The following UBN2 variants were observed in gnomAD, a reference collection of about 807,000 sequenced individuals.
UBN2 encodes ubinuclein-2.
UBN2 carries 35 observed loss-of-function variants against 120.2 expected under a neutral mutation model. The ratio of observed to expected loss-of-function variants is 0.29; its 90% CI spans 0.22 to 0.39. UBN2 has a LOEUF of 0.39. Among genes scored for constraint, UBN2 ranks in the 10% least tolerant of loss-of-function variants. The pLI is 1.00. For missense variants in UBN2, 1,693 were observed against 1,663.2 expected, an observed-to-expected ratio of 1.02 and a Z score of -0.31; for synonymous variants, 661 against 648.7, an observed-to-expected ratio of 1.02 and a Z score of -0.29.
At chr7:139,245,229 C>A (rs1290358961) in intron 2 of UBN2, among the ~76,000 whole-genome samples, 3 of 151,716 alleles carry the variant, frequency 2.0e-5, no homozygotes, top group Non-Finnish European at 4.4e-5. Context: ...CATGAGCCAC[C>A]TCGCCCAGCC....
rs1253669426 is a variant in UBN2 at position 139,283,966 on chromosome 7, C to A, written c.3061C>A (p.Gln1021Lys). The A allele has an allele frequency of 1.2e-6, 2 of 1,613,762 alleles. No individual in the cohort carries two copies. The highest frequency in any genetic ancestry group is 1.7e-6 in the Non-Finnish European group (2 of 1,179,922). ...SNYLAKAMVS[Q>K]ISTQGFKSPF... ...CTATTTAGCCAAGGCTATGGTGTCA[C>A]AGATCTCCACGCAGGGTTTCAAATC... The change falls in exon 15 of 18, where the codon CAG (glutamine) becomes AAG (lysine). Residue 1021 changes from glutamine (Q) to lysine (K), a missense_variant. Gln to Lys is a moderately conservative substitution (Grantham distance 53). Coordinates refer to ENST00000473989, the MANE Select transcript of UBN2 (RefSeq NM_173569.4).
At position 139,261,448 on chromosome 7, in the gene UBN2, G is replaced by A. The variant is rs755479661; in HGVS notation, c.1102G>A (p.Asp368Asn). The change falls in exon 6 of 18, where the codon GAC becomes AAC. Residue 368 changes from aspartate to asparagine, a missense_variant. Transcript: ENST00000473989. ...ATGTGCTGCTGCAGCACTGGGGAAT[G>A]ACGTCCCGGACTTAAATCTGAGCAG... ...PPCAAAALGN[D>N]VPDLNLSSGD... is the part of the protein sequence containing the mutation. 1.9e-6 allele frequency: 3 copies of A among 1,614,226 alleles called. No individual in the cohort carries two copies. In the South Asian group the frequency reaches 3.3e-5, roughly 18 times the overall value.
At chr7:139,234,939 A>G (rs1057353047) in intron 1 of UBN2, among the ~76,000 whole-genome samples, 2 of 152,186 alleles carry the variant, frequency 1.3e-5, no homozygotes, top group African/African-American at 2.4e-5. Context: ...TGGGTAGTTG[A>G]TAATTTTCAG....
chr7:139,306,028 G>A lies in UBN2; in HGVS notation c.*8192G>A, dbSNP rs1031027874. The A allele has an allele frequency of 6.6e-6, 1 of 152,110 alleles. No individual in the cohort carries two copies. The highest frequency in any genetic ancestry group is 1.5e-5 in the Non-Finnish European group (1 of 68,034). The allele number at this position is 152,110 out of a possible 1,614,324, so 9.4% of individuals were successfully genotyped here. On this transcript the variant is annotated 3_prime_UTR_variant, in exon 18 of 18. Transcript: ENST00000473989. ...CCCACTTTGCTAATAATAATATAAT[G>A]ATTTTATTGTAAATCTGTGTTTTAA...
chr7:139,323,486 C>T, the UBN2 span, among the ~76,000 whole-genome samples: 1 of 151,794 alleles, frequency 6.6e-6, no homozygotes, highest in Non-Finnish European at 1.5e-5. Context: ...TGCTGCTCTC[C>T]GTATTACAGG....
Position 139,300,865 on chromosome 7 carries a change from T to C in UBN2, c.*3029T>C, listed in dbSNP as rs1046377584. The C allele has an allele frequency of 6.6e-6, 1 of 152,216 alleles. No individual in the cohort carries two copies. Among genetic ancestry groups the C allele is most frequent in the Admixed American group, 6.5e-5 (1 of 15,274 alleles). 9.4% of individuals were successfully genotyped at this position (152,216 alleles called of 1,614,324 possible). On this transcript the variant is annotated 3_prime_UTR_variant, in exon 18 of 18. Transcript: ENST00000473989. ...TCAGTTGGAGACTGGGAGCAAAGTG[T>C]CAAGCTCATTCAGAGCATCCAGAAT...
intron 15 of UBN2, among the ~76,000 whole-genome samples, chr7:139,285,846 GA>G: frequency 6.6e-6 from 1 of 152,104 alleles, no homozygotes; most frequent in East Asian, 1.9e-4. Context: ...GGGTTCAGGA[GA>G]TTCTCCTGCC....
chr7:139,321,703 C>T, the UBN2 span, among the ~76,000 whole-genome samples: 6 of 152,066 alleles, frequency 3.9e-5, no homozygotes, highest in Non-Finnish European at 7.4e-5. Context: ...CTCCAGAACG[C>T]ACGAGAAAAC....
chr7:139,329,162 A>C, the UBN2 span, among the ~76,000 whole-genome samples: 1 of 151,006 alleles, frequency 6.6e-6, no homozygotes, highest in Admixed American at 6.6e-5. Context: ...AGAGGTCAGT[A>C]TGGCCAGTTG....
At position 139,303,162 on chromosome 7, in the gene UBN2, C is replaced by T. The variant is rs940140812; in HGVS notation, c.*5326C>T. 6.6e-6 allele frequency: 1 copy of T among 152,166 alleles called. No homozygotes were observed. The highest frequency in any genetic ancestry group is 1.9e-4 in the East Asian group (1 of 5,200). The allele number at this position is 152,166 out of a possible 1,614,324, so 9.4% of individuals were successfully genotyped here. On this transcript the variant is annotated 3_prime_UTR_variant, in exon 18 of 18. Transcript: ENST00000473989. ...TCAGATGCTGAGGAAAACATATAAT[C>T]TATAGCATTCTTGAGAGATTTTCCA...
At chr7:139,234,126 G>A (rs184268202) in intron 1 of UBN2, among the ~76,000 whole-genome samples, 10 of 152,192 alleles carry the variant, frequency 6.6e-5, no homozygotes, top group African/African-American at 2.4e-4. Flanking sequence ...TCCTAGAAGA[G>A]AGACCATCAA....
Position 139,293,362 on chromosome 7 carries a change from T to A in UBN2, c.3800T>A (p.Phe1267Tyr). 1 of 1,614,158 alleles carries A rather than the reference T, an allele frequency of 6.2e-7. No individual in the cohort carries two copies. Among genetic ancestry groups the A allele is most frequent in the Non-Finnish European group, 8.5e-7 (1 of 1,180,014 alleles). ...LGGLVPVTMP[F>Y]QFPLEIFGFG... ...GGCCTTGTTCCAGTGACCATGCCCT[T>A]CCAGTTTCCCTTGGAGATATTTGGC... is the stretch of plus-strand genomic sequence containing the variant. The change falls in exon 16 of 18, where the codon TTC becomes TAC. Residue 1267 changes from phenylalanine (F) to tyrosine (Y), a missense_variant. Phe to Tyr is a conservative substitution (Grantham distance 22). Transcript: ENST00000473989.
At chr7:139,243,376 C>T (rs1796374615) in intron 2 of UBN2, among the ~76,000 whole-genome samples, 1 of 152,070 alleles carries the variant, frequency 6.6e-6, no homozygotes, top group African/African-American at 2.4e-5. Context: ...ATATCAACTG[C>T]AGAGGTTCAG....
intron 7 of UBN2, 106 bp from the exon 8 acceptor site, chr7:139,269,288 C>T: frequency 8.8e-7 from 1 of 1,140,252 alleles, no homozygotes; most frequent in South Asian, 1.8e-5. Flanking sequence ...TTTAGGAAAT[C>T]ATGAAAAGAT....
intron 1 of UBN2, 90 bp from the exon 2 acceptor site, chr7:139,236,915 G>T: frequency 1.4e-6 from 1 of 694,570 alleles, no homozygotes; most frequent in Non-Finnish European, 2.4e-6. Flanking sequence ...AATTGAAGTG[G>T]TTGTTACATA....
chr7:139,320,643 C>T, the UBN2 span, among the ~76,000 whole-genome samples: 4 of 152,038 alleles, frequency 2.6e-5, no homozygotes, highest in South Asian at 2.1e-4. Flanking sequence ...AGATCACTTG[C>T]GGTCAGACGT....
At chr7:139,237,491 T>C (rs1796196596) in intron 2 of UBN2, among the ~76,000 whole-genome samples, 2 of 152,124 alleles carry the variant, frequency 1.3e-5, no homozygotes, top group Non-Finnish European at 2.9e-5. Flanking sequence ...AGACGGGGTT[T>C]CACCATGTTG....
intron 1 of UBN2, among the ~76,000 whole-genome samples, chr7:139,233,921 C>T (rs571866100): frequency 2.9e-4 from 44 of 151,338 alleles, no homozygotes; most frequent in Non-Finnish European, 5.5e-4. Flanking sequence ...GTCTATTGGC[C>T]CAATTATCTC....
chr7:139,242,134 G>A (rs1447074796), intron 2 of UBN2, among the ~76,000 whole-genome samples: 2 of 152,152 alleles, frequency 1.3e-5, no homozygotes, highest in East Asian at 1.9e-4. Context: ...AATACTACTC[G>A]GCTAAGTGGA....
Sources: allele counts gnomAD v4.1 joint callset (sites outside exome capture counted in the v4.1 genomes callset), GRCh38; gene constraint gnomAD v4.1.1; transcripts MANE v1.5; gene names NCBI Gene and HGNC (gene_info 2026-07-23, HGNC 2026-07-21).